The following NCAM1 variants were observed in gnomAD, a reference collection of about 807,000 sequenced individuals.
The protein encoded by NCAM1 is neural cell adhesion molecule 1.
In NCAM1, 14 loss-of-function variants were observed where a neutral mutation model predicts 109.8. That is an observed-to-expected ratio of 0.13 (90% confidence interval 0.08 to 0.20). The LOEUF (loss-of-function observed/expected upper bound fraction) is 0.20, where lower values mean the gene tolerates loss of function less well. Among genes scored for constraint, NCAM1 ranks in the 10% least tolerant of loss-of-function variants. The pLI, the probability that NCAM1 is intolerant of heterozygous loss-of-function variation, is 1.00. For missense variants in NCAM1, 774 were observed against 1,109.9 expected (o/e 0.70, Z 4.30); for synonymous variants, 418 against 442.9 (o/e 0.94, Z 0.70).
intron 1 of NCAM1, among the ~76,000 whole-genome samples, chr11:113,091,039 G>T (rs1939320680): frequency 6.6e-6 from 1 of 152,164 alleles, no homozygotes. Context: ...CAGAATAATA[G>T]TGACTTGGAG....
chr11:113,149,309 G>T (rs1300101812), intron 1 of NCAM1, among the ~76,000 whole-genome samples: 1 of 152,110 alleles, frequency 6.6e-6, no homozygotes, highest in Non-Finnish European at 1.5e-5. Flanking sequence ...AATGACAAGA[G>T]CAAACATATG....
chr11:113,140,961 C>T (rs75850040), intron 1 of NCAM1, among the ~76,000 whole-genome samples: 5,858 of 151,990 alleles, frequency 0.039, 475 homozygotes, highest in East Asian at 0.15. Context: ...TCTGGTAGGA[C>T]GAACATAGTG....
chr11:113,231,568 C>T lies in NCAM1; in HGVS notation c.1090-77C>T, dbSNP rs1945006714. On this transcript the variant is annotated intron_variant, in intron 9 of 19. Coordinates refer to ENST00000316851, the MANE Select transcript of NCAM1 (RefSeq NM_181351.5). ...CAAGTGATGGCCTAGTCTCCCAGCCCCCATCCTGCCATAGCACTGTTGCCC... is the reference window on the plus strand; with the variant it reads ...CAAGTGATGGCCTAGTCTCCCAGCCTCCATCCTGCCATAGCACTGTTGCCC... 12 of 1,431,294 alleles carry T rather than the reference C, an allele frequency of 8.4e-6. No individual in the cohort carries two copies. The South Asian group carries it at 1.6e-4, about 19-fold the overall frequency. 88.7% of individuals were successfully genotyped at this position (1,431,294 alleles called of 1,614,324 possible).
chr11:113,268,885 G>C lies in NCAM1; in HGVS notation c.2132-1303G>C, dbSNP rs116998720. On this transcript the variant is annotated intron_variant, in intron 17 of 19. Coordinates refer to ENST00000316851, the MANE Select transcript of NCAM1 (RefSeq NM_181351.5). ...GGTGGGGTGAGCCCCAGGTAGTGCT[G>C]GCTACAGTTCCCATCTTCAGTCTGC... Among the ~76,000 whole-genome samples the C allele has an allele frequency of 9.1e-3, 1,386 of 152,248 alleles. 7 individuals are homozygous for C. Among genetic ancestry groups the C allele is most frequent in the Non-Finnish European group, 0.015 (1,039 of 68,004 alleles).
At chr11:112,982,898 G>A (rs1363933128) in intron 1 of NCAM1, among the ~76,000 whole-genome samples, 1 of 151,892 alleles carries the variant, frequency 6.6e-6, no homozygotes. Flanking sequence ...TTTTAGGAGA[G>A]ATCACGTTAG....
chr11:113,246,938 G>T (rs902614966), intron 15 of NCAM1, among the ~76,000 whole-genome samples: 8 of 152,180 alleles, frequency 5.3e-5, no homozygotes, highest in Admixed American at 6.5e-5. Flanking sequence ...GAGCAGTTTG[G>T]CTGTGATTAC....
At chr11:113,029,418 A>G (rs1331792120) in intron 1 of NCAM1, among the ~76,000 whole-genome samples, 1 of 152,234 alleles carries the variant, frequency 6.6e-6, no homozygotes, top group East Asian at 1.9e-4. Flanking sequence ...ATTTGCATGT[A>G]GTATTACAAA....
chr11:113,201,454 G>C (rs1407113791), intron 1 of NCAM1, among the ~76,000 whole-genome samples: 1 of 152,152 alleles, frequency 6.6e-6, no homozygotes, highest in Admixed American at 6.5e-5. Flanking sequence ...CTTTAGATTT[G>C]GGGTTTACTT....
intron 14 of NCAM1, chr11:113,243,880 G>C (rs1945420928): frequency 5.4e-6 from 1 of 185,248 alleles, no homozygotes; most frequent in South Asian, 1.1e-4. Flanking sequence ...TCTGTGTGTT[G>C]CATGAAATGG....
chr11:113,180,118 G>GAAAAACATCAATCAT (rs1943286529), intron 1 of NCAM1, among the ~76,000 whole-genome samples: 1 of 152,168 alleles, frequency 6.6e-6, no homozygotes, highest in African/African-American at 2.4e-5. Context: ...GTGATTTGTG[G>GAAAAACATCAATCAT]ACGACTGACT....
intron 1 of NCAM1, among the ~76,000 whole-genome samples, chr11:113,184,622 A>C (rs1284999377): frequency 1.3e-5 from 2 of 152,158 alleles, no homozygotes; most frequent in Admixed American, 6.5e-5. Context: ...ATCCGCTCTG[A>C]GCCTCTAGAA....
At chr11:113,235,723 T>C (rs1169266592) in intron 14 of NCAM1, among the ~76,000 whole-genome samples, 2 of 152,194 alleles carry the variant, frequency 1.3e-5, no homozygotes, top group South Asian at 2.1e-4. Context: ...CTCCCTCCCA[T>C]AGCAAGAGCA....
chr11:113,132,158 G>A (rs1203994167), intron 1 of NCAM1, among the ~76,000 whole-genome samples: 1 of 152,134 alleles, frequency 6.6e-6, no homozygotes, highest in Non-Finnish European at 1.5e-5. Context: ...GCTGGGCTTC[G>A]GTAAGGCCCT....
At chr11:113,059,730 G>A (rs1953851818) in intron 1 of NCAM1, among the ~76,000 whole-genome samples, 1 of 152,190 alleles carries the variant, frequency 6.6e-6, no homozygotes, top group Admixed American at 6.5e-5. Flanking sequence ...CCCGCCTCTT[G>A]ATGGCAACAC....
At chr11:113,226,319 C>T (rs1375826590) in intron 9 of NCAM1, among the ~76,000 whole-genome samples, 2 of 152,190 alleles carry the variant, frequency 1.3e-5, no homozygotes, top group Non-Finnish European at 2.9e-5. Flanking sequence ...CAACAAAGAT[C>T]AAAAGAGACA....
At chr11:113,122,609 C>G (rs1555096313) in intron 1 of NCAM1, among the ~76,000 whole-genome samples, 1 of 152,046 alleles carries the variant, frequency 6.6e-6, no homozygotes, top group African/African-American at 2.4e-5. Flanking sequence ...CGTGTAGAAA[C>G]CCCATCTCTA....
chr11:113,215,082 T>C lies in NCAM1; in HGVS notation c.1059+571T>C, dbSNP rs138196565. ...TTTCTAAATGAGGATTACATCCTGG[T>C]TTTTCAATATATTCATGGAGGGTTT... On this transcript the variant is annotated intron_variant, in intron 8 of 19. Coordinates refer to ENST00000316851, the MANE Select transcript of NCAM1 (RefSeq NM_181351.5). 1.9e-3 allele frequency among the ~76,000 whole-genome samples: 291 copies of C among 152,260 alleles called. 1 individual carries two copies. The highest frequency in any genetic ancestry group is 6.8e-3 in the African/African-American group (281 of 41,532).
At chr11:113,119,167 C>T (rs532049383) in intron 1 of NCAM1, among the ~76,000 whole-genome samples, 22 of 152,162 alleles carry the variant, frequency 1.4e-4, no homozygotes, top group South Asian at 8.3e-4. Context: ...GAAAGACGCT[C>T]TGAAAACTCA....
intron 1 of NCAM1, among the ~76,000 whole-genome samples, chr11:113,163,380 A>G (rs1255601467): frequency 3.3e-5 from 5 of 152,190 alleles, no homozygotes; most frequent in Non-Finnish European, 7.3e-5. Flanking sequence ...CTTTGTTATA[A>G]TAAGAACCTT....
Sources: allele counts gnomAD v4.1 joint callset (sites outside exome capture counted in the v4.1 genomes callset), GRCh38; gene constraint gnomAD v4.1.1; transcripts MANE v1.5; gene names NCBI Gene and HGNC (gene_info 2026-07-23, HGNC 2026-07-21).